PLEKHA2: variants seen among roughly 807,000 people sequenced by gnomAD.
PLEKHA2 encodes the protein pleckstrin homology domain-containing family A member 2.
A neutral mutation model predicts 53.2 loss-of-function variants in PLEKHA2; 28 were observed. The observed-to-expected ratio is 0.53, with a 90% CI of 0.39 to 0.72. The LOEUF is 0.72. Ranked by LOEUF, PLEKHA2 falls within the 30% of genes least tolerant of loss-of-function variation. The pLI is 0.00. For synonymous variants in PLEKHA2, 193 were observed against 196.4 expected (o/e 0.98, Z 0.14); for missense variants, 426 against 537.9 (o/e 0.79, Z 2.06).
At chr8:38,954,468 G>A (rs542655782) in intron 9 of PLEKHA2, among the ~76,000 whole-genome samples, 2 of 152,198 alleles carry the variant, frequency 1.3e-5, no homozygotes, top group Non-Finnish European at 2.9e-5. Flanking sequence ...CATGGGGGAA[G>A]CTTAGAGAAC....
rs1211391894 is a variant in PLEKHA2, at chr8:38,952,629, A to G, written c.634-7A>G. The G allele has an allele frequency of 6.2e-7, 1 of 1,605,842 alleles. No individual in the cohort carries two copies. The highest frequency in any genetic ancestry group is 8.5e-7 in the Non-Finnish European group (1 of 1,179,458). ...CTAATGGTCTGCCTTTTATTTTTTT[A>G]TTACAGCGGAAGAGCTGGAAACGTC... On this transcript the variant is annotated splice_region_variant and splice_polypyrimidine_tract_variant and intron_variant, in intron 7 of 11. Coordinates refer to ENST00000617275, the MANE Select transcript of PLEKHA2 (RefSeq NM_021623.2).
chr8:38,955,036 A>G (rs554605074), intron 9 of PLEKHA2, among the ~76,000 whole-genome samples: 1 of 152,296 alleles, frequency 6.6e-6, no homozygotes, highest in African/African-American at 2.4e-5. Flanking sequence ...CTCTGTCTCA[A>G]ATAAATAAAT....
At chr8:38,911,463 C>T (rs1833952945) in intron 1 of PLEKHA2, among the ~76,000 whole-genome samples, 1 of 152,110 alleles carries the variant, frequency 6.6e-6, no homozygotes, top group South Asian at 2.1e-4. Flanking sequence ...TTTTGAACTC[C>T]TGAACTCAAG....
rs1430564976 is a variant in PLEKHA2, at chr8:38,972,472, A to C, written c.*2689A>C. On this transcript the variant is annotated 3_prime_UTR_variant, in exon 12 of 12. Coordinates refer to ENST00000617275, the MANE Select transcript of PLEKHA2 (RefSeq NM_021623.2). ...AGTGTTGGGATTACAGGTGTGAGCC[A>C]CTGCACCTAGCCAGAACATCGTTAA... 20 of 152,170 alleles carry C rather than the reference A, an allele frequency of 1.3e-4. No individual in the cohort carries two copies. 9.4% of individuals were successfully genotyped at this position (152,170 alleles called of 1,614,324 possible).
Position 38,927,006 on chromosome 8 carries a change from G to A in PLEKHA2, c.141+8936G>A, listed in dbSNP as rs138308911. Among the ~76,000 whole-genome samples the A allele has an allele frequency of 2.0e-4, 30 of 152,298 alleles. No individual in the cohort carries two copies. In the East Asian group the frequency reaches 5.8e-3, roughly 29 times the overall value. On this transcript the variant is annotated intron_variant, in intron 2 of 11. Coordinates refer to ENST00000617275, the MANE Select transcript of PLEKHA2 (RefSeq NM_021623.2). ...AGAGTTAGCACTACTCAGTATTAAA[G>A]TCCAAGCAGCTAAACAGATAGAAGC...
chr8:38,935,256 G>A lies in PLEKHA2; in HGVS notation c.142-738G>A, dbSNP rs535511806. Reference sequence around the variant, plus strand: ...ACTCCTGACTTGAGGTGATCCTCCCGCCTCAGCCTTCCAAAGTGCTGGGAT... The same window carrying A: ...ACTCCTGACTTGAGGTGATCCTCCCACCTCAGCCTTCCAAAGTGCTGGGAT... On this transcript the variant is annotated intron_variant, in intron 2 of 11. Transcript: ENST00000617275. Among the ~76,000 whole-genome samples the A allele has an allele frequency of 4.3e-3, 658 of 152,040 alleles. 4 individuals carry two copies. Among genetic ancestry groups the A allele is most frequent in the African/African-American group, 8.5e-3 (353 of 41,498 alleles).
At chr8:38,947,165 AGAGT>A (rs1834730906) in intron 5 of PLEKHA2, among the ~76,000 whole-genome samples, 2 of 152,168 alleles carry the variant, frequency 1.3e-5, no homozygotes, top group Admixed American at 6.5e-5. Flanking sequence ...GTGAAAAGAG[AGAGT>A]GATGAAAAGA....
intron 5 of PLEKHA2, among the ~76,000 whole-genome samples, chr8:38,948,794 G>A (rs746758483): frequency 2.6e-5 from 4 of 152,198 alleles, no homozygotes; most frequent in South Asian, 4.1e-4. Flanking sequence ...AGGGTGTTGC[G>A]TTCTCCTGAA....
intron 1 of PLEKHA2, among the ~76,000 whole-genome samples, chr8:38,903,912 T>C (rs1412875486): frequency 1.3e-5 from 2 of 152,168 alleles, no homozygotes; most frequent in Admixed American, 1.3e-4. Context: ...ATGAACAGTT[T>C]GGGTTGCCTT....
At chr8:38,924,501 G>T (rs1834248849) in intron 2 of PLEKHA2, among the ~76,000 whole-genome samples, 1 of 152,316 alleles carries the variant, frequency 6.6e-6, no homozygotes, top group Admixed American at 6.5e-5. Flanking sequence ...AGCAAGGGAT[G>T]GTTTCACTGT....
In PLEKHA2 at chr8:38,943,846, T is replaced by A; in HGVS notation, c.247+9T>A. ...AACTCCATTTTGCTTTGGTAAGTAC[T>A]GAGCCAGGGGAGGGACTCATTTAAT... On this transcript the variant is annotated intron_variant, in intron 4 of 11. Coordinates refer to ENST00000617275, the MANE Select transcript of PLEKHA2 (RefSeq NM_021623.2). 1 of 1,575,910 alleles carries A rather than the reference T, an allele frequency of 6.3e-7. No individual in the cohort carries two copies. The highest frequency in any genetic ancestry group is 8.6e-7 in the Non-Finnish European group (1 of 1,160,514).
intron 2 of PLEKHA2, among the ~76,000 whole-genome samples, chr8:38,924,021 T>C (rs1834239223): frequency 1.3e-5 from 2 of 152,114 alleles, no homozygotes; most frequent in Admixed American, 1.3e-4. Context: ...CCGGCTACTT[T>C]TTGTATTTTA....
At chr8:38,946,361 C>T (rs941440110) in intron 5 of PLEKHA2, 140 bp downstream of exon 5, 23 of 671,574 alleles carry the variant, frequency 3.4e-5, no homozygotes, top group Non-Finnish European at 5.4e-5. Context: ...TCTCCCACCT[C>T]GTCTTTTTCC....
intron 2 of PLEKHA2, among the ~76,000 whole-genome samples, chr8:38,933,944 C>G (rs770801465): frequency 3.3e-5 from 5 of 152,020 alleles, no homozygotes; most frequent in Non-Finnish European, 7.4e-5. Context: ...AACGTGAGTG[C>G]AGAGTCTTTT....
chr8:38,926,438 A>G (rs887236227), intron 2 of PLEKHA2, among the ~76,000 whole-genome samples: 46 of 146,862 alleles, frequency 3.1e-4, no homozygotes, highest in African/African-American at 9.6e-4. Context: ...ACTGAAGTGT[A>G]GTGTGCAGTC....
At chr8:38,934,876 A>G (rs1351941703) in intron 2 of PLEKHA2, among the ~76,000 whole-genome samples, 1 of 152,216 alleles carries the variant, frequency 6.6e-6, no homozygotes, top group Non-Finnish European at 1.5e-5. Flanking sequence ...GTATTATAAA[A>G]AAAAAATTGA....
intron 2 of PLEKHA2, among the ~76,000 whole-genome samples, chr8:38,925,595 C>T (rs956482999): frequency 2.0e-5 from 3 of 152,178 alleles, no homozygotes; most frequent in African/African-American, 7.2e-5. Flanking sequence ...TTGCATGGCT[C>T]TTAGTACTCC....
chr8:38,948,309 G>A (rs978631930), intron 5 of PLEKHA2, among the ~76,000 whole-genome samples: 2 of 152,130 alleles, frequency 1.3e-5, no homozygotes, highest in Non-Finnish European at 2.9e-5. Context: ...CAAGGAGTCA[G>A]GCAGTCCTAG....
chr8:38,903,406 T>G (rs1365982933), intron 1 of PLEKHA2, among the ~76,000 whole-genome samples: 3 of 152,240 alleles, frequency 2.0e-5, no homozygotes, highest in Admixed American at 2.0e-4. Flanking sequence ...ATTGGTGCTT[T>G]CTTCTCTCTT....
Sources: gnomAD v4.1 joint callset for allele counts (sites outside exome capture counted in the v4.1 genomes callset) on GRCh38, gnomAD v4.1.1 for gene constraint, MANE v1.5 for transcripts, NCBI Gene and HGNC (gene_info 2026-07-23, HGNC 2026-07-21) for gene names.